Variants in RFX1 observed in about 807,000 individuals in gnomAD.
The protein encoded by RFX1 is regulatory factor X1.
In RFX1, 42 loss-of-function variants were observed where a neutral mutation model predicts 119.6. The observed-to-expected ratio is 0.35, with a 90% CI of 0.27 to 0.45. RFX1 has a LOEUF of 0.45. Ranked by LOEUF, RFX1 falls within the 20% of genes least tolerant of loss-of-function variation. RFX1 has a pLI of 1.00. For synonymous variants in RFX1, 628 were observed against 618.5 expected (o/e 1.02, Z -0.23); for missense variants, 1,118 against 1,368.1 (o/e 0.82, Z 2.88).
In RFX1 at chr19:13,969,928, T is replaced by TGGGGGGGG; in HGVS notation, c.1496+65_1496+66insCCCCCCCC. ...CTGGACTGCCTGAGATGACTCGGAG[T>TGGGGGGGG]GGGGGTGGGCCTTGGCATGCCCACC... On this transcript the variant is annotated intron_variant, in intron 10 of 20. Coordinates refer to ENST00000254325, the MANE Select transcript of RFX1 (RefSeq NM_002918.5). This position sits in a 1 kb window ranked among gnomAD's most constrained non-coding sequence, Gnocchi z 4.5. 3 of 1,488,604 alleles carry TGGGGGGGG rather than the reference T, an allele frequency of 2.0e-6. No homozygotes were observed. The highest frequency in any genetic ancestry group is 2.7e-6 in the Non-Finnish European group (3 of 1,102,174). The allele number at this position is 1,488,604 out of a possible 1,614,324, so 92.2% of individuals were successfully genotyped here.
intron 2 of RFX1, among the ~76,000 whole-genome samples, chr19:13,993,024 C>T (rs928811150): frequency 1.3e-5 from 2 of 152,236 alleles, no homozygotes; most frequent in Admixed American, 6.5e-5. Flanking sequence ...CCTGTGGTCT[C>T]AGCAACTCAG....
chr19:13,962,512 G>C lies in RFX1; in HGVS notation c.*183C>G. 1.8e-6 allele frequency: 1 copy of C among 564,024 alleles called. No individual in the cohort carries two copies. Among genetic ancestry groups the C allele is most frequent in the Non-Finnish European group, 3.0e-6 (1 of 329,416 alleles). 34.9% of individuals were successfully genotyped at this position (564,024 alleles called of 1,614,324 possible). ...CTTTTGTGTCAGAGTTTGCAGCTGC[G>C]GCTCCGCCCAGCCCACTGATTGTGC... On this transcript the variant is annotated 3_prime_UTR_variant, in exon 21 of 21. Transcript: ENST00000254325.
chr19:13,993,059 G>C (rs1220233573), intron 2 of RFX1, among the ~76,000 whole-genome samples: 1 of 152,152 alleles, frequency 6.6e-6, no homozygotes, highest in East Asian at 1.9e-4. Context: ...AGGATCATTT[G>C]AGGCCGGGAG....
At chr19:13,982,994 C>G (rs73924095) in intron 4 of RFX1, 193 bp downstream of exon 4, 6,832 of 577,966 alleles carry the variant, frequency 0.012, 271 homozygotes, top group African/African-American at 0.092. Flanking sequence ...CCTGCAGCTC[C>G]TCTGTCCCTG....
At chr19:13,971,229 G>C (rs1294188825) in intron 9 of RFX1, among the ~76,000 whole-genome samples, 5 of 151,918 alleles carry the variant, frequency 3.3e-5, no homozygotes, top group African/African-American at 1.2e-4. Context: ...AGCTACTCGA[G>C]AGGCTGAGGC....
At chr19:14,004,023 C>A (rs1252087268) in intron 1 of RFX1, among the ~76,000 whole-genome samples, 1 of 152,128 alleles carries the variant, frequency 6.6e-6, no homozygotes, top group Non-Finnish European at 1.5e-5. Flanking sequence ...ATTCTTGTGT[C>A]TCAGCCTCCC....
Position 13,969,953 on chromosome 19 carries a change from C to A in RFX1, c.1496+41G>T. 1 of 1,559,136 alleles carries A rather than the reference C, an allele frequency of 6.4e-7. No homozygotes were observed. The highest frequency in any genetic ancestry group is 1.2e-5 in the South Asian group (1 of 83,198). Reference sequence around the variant, plus strand: ...TGGGGGTGGGCCTTGGCATGCCCACCAATTCCCCAGGGACTGCTGGGAGTA... The same window carrying A: ...TGGGGGTGGGCCTTGGCATGCCCACAAATTCCCCAGGGACTGCTGGGAGTA... On this transcript the variant is annotated intron_variant, in intron 10 of 20. Transcript: ENST00000254325. This position sits in a 1 kb window ranked among gnomAD's most constrained non-coding sequence, Gnocchi z 4.5.
At chr19:13,993,916 T>C (rs1599514739) in intron 1 of RFX1, 21 bp from the exon 2 acceptor site, 1 of 1,215,266 alleles carries the variant, frequency 8.2e-7, no homozygotes, top group Admixed American at 2.6e-5. Context: ...AAGACGGGGA[T>C]GGGGGAGAGA....
intron 2 of RFX1, among the ~76,000 whole-genome samples, chr19:13,989,551 G>GAC (rs1555755073): frequency 8.5e-4 from 123 of 145,388 alleles, no homozygotes; most frequent in Middle Eastern, 3.4e-3. Flanking sequence ...GAGAGAGAGA[G>GAC]AGACAGACAG....
At position 13,985,004 on chromosome 19, in the gene RFX1, G is replaced by A. The variant is rs140761908; in HGVS notation, c.320-1409C>T. Among the ~76,000 whole-genome samples the A allele has an allele frequency of 1.0e-3, 152 of 152,160 alleles. 2 individuals are homozygous for A. Among genetic ancestry groups the A allele is most frequent in the Middle Eastern group, 3.4e-3 (1 of 294 alleles). The stretch of plus-strand genomic sequence containing the variant: ...GCCTCCCAAGTAGCTGGGACTACAC[G>A]CATGCACCACCATGTCCGGCTAATT... On this transcript the variant is annotated intron_variant, in intron 2 of 20. Transcript: ENST00000254325. This position sits in a 1 kb window ranked among gnomAD's most constrained non-coding sequence, Gnocchi z 4.3.
At chr19:13,994,719 A>ATATGTG (rs1555756252) in intron 1 of RFX1, among the ~76,000 whole-genome samples, 5 of 125,956 alleles carry the variant, frequency 4.0e-5, no homozygotes, top group Non-Finnish European at 8.2e-5. Context: ...CTAAATATAT[A>ATATGTG]TGTGTGTGTG....
At chr19:13,983,984 G>C (rs1050709853) in intron 2 of RFX1, among the ~76,000 whole-genome samples, 1 of 152,152 alleles carries the variant, frequency 6.6e-6, no homozygotes, top group Non-Finnish European at 1.5e-5. Context: ...TGGAAGGATC[G>C]AGGTGCTGGG....
Position 13,966,483 on chromosome 19 carries a change from C to A in RFX1, c.1899G>T (p.Thr633=). The A allele has an allele frequency of 6.2e-7, 1 of 1,601,466 alleles. No homozygotes were observed. Among genetic ancestry groups the A allele is most frequent in the Non-Finnish European group, 8.5e-7 (1 of 1,173,984 alleles). ...MVNLQFTLVE[T]LWKTFWRYNL... is the part of the protein sequence containing the mutation. ...TGTACCTCCAGAAGGTCTTCCACAG[C>A]GTCTCCACCAGGGTGAACTGCAGGT... Residue 633 remains threonine, a synonymous_variant, in exon 14 of 21, where the codon ACG becomes ACT. Transcript: ENST00000254325. The surrounding 1 kb of genome is among the most constrained non-coding windows in gnomAD (Gnocchi z 6.3).
At chr19:13,977,715 C>T (rs1223568370) in intron 8 of RFX1, among the ~76,000 whole-genome samples, 1 of 150,692 alleles carries the variant, frequency 6.6e-6, no homozygotes, top group Non-Finnish European at 1.5e-5. Context: ...CCGTGCCTGG[C>T]CTTTTTTTTT....
At chr19:13,989,197 C>G (rs1049263432) in intron 2 of RFX1, among the ~76,000 whole-genome samples, 3 of 151,474 alleles carry the variant, frequency 2.0e-5, no homozygotes, top group Non-Finnish European at 4.4e-5. Flanking sequence ...GGTCAGGAGG[C>G]AGGACTGAGC....
chr19:13,966,146 T>A lies in RFX1; in HGVS notation c.1961+275A>T, dbSNP rs1973889707. On this transcript the variant is annotated intron_variant, in intron 14 of 20. Transcript: ENST00000254325. This position sits in a 1 kb window ranked among gnomAD's most constrained non-coding sequence, Gnocchi z 6.3. ...CACAGGCCCGAGGGGTGGGACGGGA[T>A]CCTATGCCCTACCCTCCATACAGGG... Among the ~76,000 whole-genome samples, 1 of 152,030 alleles carries A rather than the reference T, an allele frequency of 6.6e-6. No homozygotes were observed. The highest frequency in any genetic ancestry group is 2.4e-5 in the African/African-American group (1 of 41,396).
Position 13,972,988 on chromosome 19 carries a change from G to A in RFX1, c.1069C>T (p.Pro357Ser), listed in dbSNP as rs1469710895. ...SQAVASSGSM[P>S]MYVSGSQVVA... is the part of the protein sequence containing the mutation. ...ACCTGGCTGCCGGACACGTACATGGGCATGGAGCCACTGCTGGCCACCGCC... is the reference window on the plus strand; with the variant it reads ...ACCTGGCTGCCGGACACGTACATGGACATGGAGCCACTGCTGGCCACCGCC... The change falls in exon 9 of 21, where the codon CCC (proline) becomes TCC (serine). Residue 357 changes from proline (P) to serine (S), a missense_variant. By Grantham distance (74) the Pro-to-Ser change is moderately conservative. Around this residue, in one of 5 missense-constraint regions of RFX1, gnomAD observed 542 missense variants for 602.7 expected, o/e 0.90. Transcript: ENST00000254325. The A allele has an allele frequency of 3.8e-5, 61 of 1,600,474 alleles. No individual in the cohort carries two copies. The highest frequency in any genetic ancestry group is 5.0e-5 in the Non-Finnish European group (59 of 1,179,722).
intron 16 of RFX1, 142 bp from the exon 17 acceptor site, chr19:13,964,149 C>G (rs112959497): frequency 0.039 from 36,161 of 923,162 alleles, 905 homozygotes; most frequent in Non-Finnish European, 0.049. Context: ...TGTTGGGACA[C>G]AGAAGGATCG....
intron 8 of RFX1, among the ~76,000 whole-genome samples, chr19:13,976,644 G>T (rs765599420): frequency 1.3e-5 from 2 of 152,226 alleles, no homozygotes; most frequent in African/African-American, 2.4e-5. Flanking sequence ...AGGACACATG[G>T]TAGAAGAGCC....
Sources: gnomAD v4.1 joint callset for allele counts (sites outside exome capture counted in the v4.1 genomes callset) on GRCh38, gnomAD v4.1.1 for gene constraint, gnomAD v4.1.1 regional missense constraint, Gnocchi (gnomAD v3.1) non-coding constraint, MANE v1.5 for transcripts, NCBI Gene and HGNC (gene_info 2026-07-23, HGNC 2026-07-21) for gene names.